VDAC1: variants seen among roughly 807,000 people sequenced by gnomAD.
The protein encoded by VDAC1 is non-selective voltage-gated ion channel VDAC1.
A neutral mutation model predicts 34.7 loss-of-function variants in VDAC1; 10 were observed. The observed-to-expected ratio is 0.29, with a 90% CI of 0.18 to 0.49. The LOEUF (loss-of-function observed/expected upper bound fraction) is 0.49. Ranked by LOEUF, VDAC1 falls within the 20% of genes least tolerant of loss-of-function variation. VDAC1 has a pLI of 0.99. For synonymous variants in VDAC1, 130 were observed against 136.0 expected, an observed-to-expected ratio of 0.96 and a Z score of 0.30; for missense variants, 230 against 347.9, an observed-to-expected ratio of 0.66 and a Z score of 2.69.
At chr5:134,043,796 G>A in the VDAC1 span, among the ~76,000 whole-genome samples, 1 of 152,144 alleles carries the variant, frequency 6.6e-6, no homozygotes, top group Non-Finnish European at 1.5e-5. Context: ...GCCTCTCAAA[G>A]TGCTGGGACT....
the VDAC1 span, among the ~76,000 whole-genome samples, chr5:134,026,537 A>G: frequency 0.035 from 5,273 of 150,700 alleles, 323 homozygotes; most frequent in African/African-American, 0.12. Context: ...AAAAAAAAAA[A>G]AACACTAAAC....
chr5:133,989,130 C>T (rs1753007487), intron 5 of VDAC1: 1 of 152,190 alleles, frequency 6.6e-6, no homozygotes, highest in Non-Finnish European at 1.5e-5. Context: ...TCATCTATAG[C>T]CAAGCTATAA....
chr5:134,040,570 G>A, the VDAC1 span, among the ~76,000 whole-genome samples: 22 of 149,828 alleles, frequency 1.5e-4, no homozygotes, highest in Middle Eastern at 3.5e-3. Context: ...GTGAGACTCC[G>A]TCTCAAAAAA....
At chr5:134,091,802 G>C in the VDAC1 span, among the ~76,000 whole-genome samples, 1 of 152,238 alleles carries the variant, frequency 6.6e-6, no homozygotes, top group Non-Finnish European at 1.5e-5. Context: ...GGGAAACAGA[G>C]CTTCAGAGAG....
chr5:134,096,184 T>C, the VDAC1 span, among the ~76,000 whole-genome samples: 2 of 152,120 alleles, frequency 1.3e-5, no homozygotes, highest in African/African-American at 4.8e-5. Flanking sequence ...CCGCCTTGGT[T>C]CCCTCCTAGG....
chr5:134,003,213 G>A (rs1487951874), intron 1 of VDAC1, among the ~76,000 whole-genome samples: 1 of 152,182 alleles, frequency 6.6e-6, no homozygotes, highest in Non-Finnish European at 1.5e-5. Context: ...GTAGCACAGG[G>A]CCTCAGTGCC....
At chr5:134,018,453 T>C in the VDAC1 span, among the ~76,000 whole-genome samples, 5 of 152,128 alleles carry the variant, frequency 3.3e-5, no homozygotes, top group Non-Finnish European at 7.3e-5. Flanking sequence ...GAGACACATA[T>C]CCAAACCATA....
At chr5:134,006,078 C>G (rs910620164), upstream of VDAC1, among the ~76,000 whole-genome samples, 3 of 152,160 alleles carry the variant, frequency 2.0e-5, no homozygotes, top group Non-Finnish European at 4.4e-5. Context: ...AAGAGGGCAG[C>G]TGATACAGAG....
At chr5:133,975,610 G>A (rs568869427) in intron 7 of VDAC1, among the ~76,000 whole-genome samples, 4 of 151,916 alleles carry the variant, frequency 2.6e-5, no homozygotes, top group Admixed American at 6.6e-5. Flanking sequence ...ACAGGCACAC[G>A]CCACCATGCC....
At chr5:133,974,974 C>T (rs1561580197) in intron 7 of VDAC1, among the ~76,000 whole-genome samples, 1 of 151,240 alleles carries the variant, frequency 6.6e-6, no homozygotes, top group Non-Finnish European at 1.5e-5. Flanking sequence ...AACAAACAAA[C>T]AGAGATGATT....
chr5:133,976,952 GA>G (rs1388446971), intron 6 of VDAC1, among the ~76,000 whole-genome samples: 1 of 152,172 alleles, frequency 6.6e-6, no homozygotes, highest in Non-Finnish European at 1.5e-5. Flanking sequence ...GGTGAGGCAG[GA>G]GAATCGTCTG....
the VDAC1 span, among the ~76,000 whole-genome samples, chr5:134,035,118 G>C: frequency 1.2e-4 from 18 of 152,144 alleles, no homozygotes; most frequent in Non-Finnish European, 5.9e-5. Context: ...CAAGGACCAG[G>C]CTCTTGGAGA....
At chr5:134,098,745 C>T in the VDAC1 span, among the ~76,000 whole-genome samples, 1 of 152,204 alleles carries the variant, frequency 6.6e-6, no homozygotes, top group African/African-American at 2.4e-5. Context: ...ACTAAGGCCA[C>T]GGTGACCAGG....
chr5:134,031,355 G>C, the VDAC1 span, among the ~76,000 whole-genome samples: 1 of 152,116 alleles, frequency 6.6e-6, no homozygotes, highest in African/African-American at 2.4e-5. Flanking sequence ...AGATATACAG[G>C]TCCTAATCCT....
At chr5:134,044,892 T>C in the VDAC1 span, among the ~76,000 whole-genome samples, 1 of 152,172 alleles carries the variant, frequency 6.6e-6, no homozygotes, top group African/African-American at 2.4e-5. Flanking sequence ...CTCATCACCA[T>C]GTGAAACCCC....
the VDAC1 span, among the ~76,000 whole-genome samples, chr5:134,048,874 A>C: frequency 6.6e-6 from 1 of 152,196 alleles, no homozygotes; most frequent in Non-Finnish European, 1.5e-5. Context: ...GTAGAGCAGT[A>C]CTTGGCACAA....
At chr5:134,050,337 C>T in the VDAC1 span, among the ~76,000 whole-genome samples, 2 of 152,206 alleles carry the variant, frequency 1.3e-5, no homozygotes, top group African/African-American at 4.8e-5. Flanking sequence ...CTTTACCCTT[C>T]TACAGAAGTT....
At chr5:134,039,677 CTG>C in the VDAC1 span, among the ~76,000 whole-genome samples, 1 of 152,172 alleles carries the variant, frequency 6.6e-6, no homozygotes, top group Non-Finnish European at 1.5e-5. Flanking sequence ...TGAGAACCCT[CTG>C]TGCCAGAATG....
the VDAC1 span, among the ~76,000 whole-genome samples, chr5:134,041,303 C>G: frequency 1.3e-5 from 2 of 152,170 alleles, no homozygotes; most frequent in African/African-American, 4.8e-5. Flanking sequence ...ATTCCTTGAC[C>G]TAATCTTTAC....
Sources: gnomAD v4.1 joint callset for allele counts (sites outside exome capture counted in the v4.1 genomes callset) on GRCh38, gnomAD v4.1.1 for gene constraint, MANE v1.5 for transcripts, NCBI Gene and HGNC (gene_info 2026-07-23, HGNC 2026-07-21) for gene names.